CEACAM1: variants seen among roughly 807,000 people sequenced by gnomAD.
CEACAM1 encodes CEA cell adhesion molecule 1.
In CEACAM1, 31 loss-of-function variants were observed where a neutral mutation model predicts 49.1. The ratio of observed to expected loss-of-function variants is 0.63; its 90% CI spans 0.47 to 0.85. The LOEUF (loss-of-function observed/expected upper bound fraction) is 0.85, where lower values mean the gene tolerates loss of function less well. Among genes scored for constraint, CEACAM1 ranks in the 40% least tolerant of loss-of-function variants. The pLI, the probability that CEACAM1 is intolerant of heterozygous loss-of-function variation, is 0.00. For missense variants in CEACAM1, 570 were observed against 645.3 expected, an observed-to-expected ratio of 0.88 and a Z score of 1.26; for synonymous variants, 244 against 247.8, an observed-to-expected ratio of 0.98 and a Z score of 0.14.
At chr19:42,524,278 C>G (rs2041834012) in intron 2 of CEACAM1, among the ~76,000 whole-genome samples, 1 of 152,188 alleles carries the variant, frequency 6.6e-6, no homozygotes, top group African/African-American at 2.4e-5. Flanking sequence ...CAGACAGCAC[C>G]TGCCTGGCTA....
intron 2 of CEACAM1, among the ~76,000 whole-genome samples, chr19:42,523,854 AG>A (rs1463248676): frequency 6.6e-6 from 1 of 152,208 alleles, no homozygotes; most frequent in Non-Finnish European, 1.5e-5. Flanking sequence ...AAGATGCTGA[AG>A]TCAGTTTGAA....
intron 1 of CEACAM1, 77 bp downstream of exon 1, chr19:42,528,234 C>G: frequency 1.5e-6 from 2 of 1,301,482 alleles, no homozygotes. Context: ...CCTCTTAGAG[C>G]TCCATCCTCC....
At chr19:42,519,302 A>G in intron 4 of CEACAM1, 67 bp from the exon 5 acceptor site, 2 of 1,508,522 alleles carry the variant, frequency 1.3e-6, no homozygotes, top group East Asian at 2.3e-5. Flanking sequence ...GCCTAGGGCT[A>G]TGCTCCTTTC....
rs187578768 is a variant in CEACAM1 at position 42,521,646 on chromosome 19, A to G, written c.704-125T>C. On this transcript the variant is annotated intron_variant, in intron 3 of 8. Transcript: ENST00000161559. ...ACCCTGAAGTCCTAACCAAACCTCC[A>G]TTGTGTCCACTGAGTCTGGGTCTGA... The G allele has an allele frequency of 5.1e-5, 78 of 1,528,106 alleles. 1 individual carries two copies. The East Asian group carries it at 1.6e-3, about 32-fold the overall frequency. 94.7% of individuals were successfully genotyped at this position (1,528,106 alleles called of 1,614,324 possible).
intron 8 of CEACAM1, among the ~76,000 whole-genome samples, chr19:42,510,580 T>C (rs1171828707): frequency 6.6e-6 from 1 of 152,240 alleles, no homozygotes; most frequent in Non-Finnish European, 1.5e-5. Flanking sequence ...CTTCAACTTC[T>C]CTTTGAAGTA....
At chr19:42,520,048 AGAG>A (rs1267250257) in intron 4 of CEACAM1, among the ~76,000 whole-genome samples, 2 of 152,256 alleles carry the variant, frequency 1.3e-5, no homozygotes, top group African/African-American at 2.4e-5. Flanking sequence ...CCCACTGTAA[AGAG>A]GAGTTTTACT....
At chr19:42,524,202 T>C (rs2041830615) in intron 2 of CEACAM1, among the ~76,000 whole-genome samples, 1 of 152,132 alleles carries the variant, frequency 6.6e-6, no homozygotes, top group Non-Finnish European at 1.5e-5. Flanking sequence ...GTCTGAGAGA[T>C]CCCACCTTAT....
chr19:42,512,290 C>G (rs2041477045), intron 6 of CEACAM1, 60 bp downstream of exon 6: 3 of 1,598,654 alleles, frequency 1.9e-6, no homozygotes, highest in Non-Finnish European at 2.6e-6. Flanking sequence ...AATTCTTTCC[C>G]TCTCCCAAGC....
intron 5 of CEACAM1, among the ~76,000 whole-genome samples, chr19:42,516,335 C>T (rs749479785): frequency 2.8e-4 from 42 of 152,084 alleles, no homozygotes; most frequent in Non-Finnish European, 5.7e-4. Flanking sequence ...ACAAAATCCA[C>T]ATGCAAAAAT....
chr19:42,518,968 G>A lies in CEACAM1; in HGVS notation c.1226C>T (p.Pro409Leu). The change falls in exon 5 of 9, where the codon CCC (proline) becomes CTC (leucine). Residue 409 changes from proline to leucine, a missense_variant. Pro to Leu is a moderately conservative substitution (Grantham distance 98). Coordinates refer to ENST00000161559, the MANE Select transcript of CEACAM1 (RefSeq NM_001712.5). ...CTTACAGTTTACGTTCAGCATGATG[G>A]GGTCGCTTTGGTTCTTACTGATTGG... ...FNPISKNQSD[P>L]IMLNVNYNAL... 2 of 1,614,154 alleles carry A rather than the reference G, an allele frequency of 1.2e-6. No homozygotes were observed. The highest frequency in any genetic ancestry group is 1.1e-5 in the South Asian group (1 of 91,088).
chr19:42,518,587 T>C (rs2041658164), intron 5 of CEACAM1: 1 of 244,384 alleles, frequency 4.1e-6, no homozygotes, highest in Non-Finnish European at 7.9e-6. Context: ...AAGCTCCGCC[T>C]CCCAGGTTCA....
chr19:42,508,777 A>C lies in CEACAM1; in HGVS notation c.*332T>G. 2 of 268,274 alleles carry C rather than the reference A, an allele frequency of 7.5e-6. No individual in the cohort carries two copies. Among genetic ancestry groups the C allele is most frequent in the Non-Finnish European group, 1.4e-5 (2 of 139,244 alleles). 16.6% of individuals were successfully genotyped at this position (268,274 alleles called of 1,614,324 possible). A position where few individuals can be genotyped will look rare whatever the true frequency, so the allele number is the denominator to read the frequency against. ...AGGACAGGACTGGGGGTGGGAAGGA[A>C]TGAGTGCTCTGAACAGGCAAGTTTA... On this transcript the variant is annotated 3_prime_UTR_variant, in exon 9 of 9. Coordinates refer to ENST00000161559, the MANE Select transcript of CEACAM1 (RefSeq NM_001712.5).
chr19:42,516,131 C>T (rs950163548), intron 5 of CEACAM1, among the ~76,000 whole-genome samples: 1 of 152,048 alleles, frequency 6.6e-6, no homozygotes, highest in African/African-American at 2.4e-5. Context: ...GACAAGGATG[C>T]CTGCTTTTGC....
chr19:42,526,188 C>A (rs1248401819), intron 2 of CEACAM1, among the ~76,000 whole-genome samples: 4 of 152,142 alleles, frequency 2.6e-5, no homozygotes, highest in Admixed American at 2.6e-4. Context: ...GAACTCCTGA[C>A]CTCATAGTCC....
intron 7 of CEACAM1, 45 bp from the exon 8 acceptor site, chr19:42,510,965 C>G (rs1461033228): frequency 1.3e-6 from 2 of 1,598,546 alleles, no homozygotes; most frequent in Admixed American, 1.7e-5. Context: ...AAATGCAAAG[C>G]TGACTTCAGG....
At chr19:42,526,390 G>T (rs2041891422) in intron 2 of CEACAM1, among the ~76,000 whole-genome samples, 1 of 152,152 alleles carries the variant, frequency 6.6e-6, no homozygotes, top group Non-Finnish European at 1.5e-5. Flanking sequence ...CATCTCCTAA[G>T]CCCCCAGGGC....
chr19:42,517,826 A>T (rs1176001946), intron 5 of CEACAM1, among the ~76,000 whole-genome samples: 1 of 152,250 alleles, frequency 6.6e-6, no homozygotes, highest in Admixed American at 6.5e-5. Context: ...TCCACTTCTG[A>T]GTATCTATTT....
intron 6 of CEACAM1, 42 bp from the exon 7 acceptor site, chr19:42,511,670 AG>A: frequency 6.3e-7 from 1 of 1,594,136 alleles, no homozygotes; most frequent in South Asian, 1.1e-5. Context: ...TCCCAAGCAC[AG>A]GATCTTTGTT....
chr19:42,510,966 T>G, intron 7 of CEACAM1, 46 bp from the exon 8 acceptor site: 1 of 1,586,088 alleles, frequency 6.3e-7, no homozygotes, highest in Non-Finnish European at 8.7e-7. Context: ...AATGCAAAGC[T>G]GACTTCAGGT....
Sources: allele counts gnomAD v4.1 joint callset (sites outside exome capture counted in the v4.1 genomes callset), GRCh38; gene constraint gnomAD v4.1.1; transcripts MANE v1.5; gene names NCBI Gene and HGNC (gene_info 2026-07-23, HGNC 2026-07-21).